Variants in CDH13 observed in about 807,000 individuals in gnomAD.
CDH13 encodes the protein cadherin-13.
CDH13 carries 24 observed loss-of-function variants against 63.8 expected under a neutral mutation model. That is an observed-to-expected ratio of 0.38 (90% CI 0.27 to 0.53). The LOEUF (loss-of-function observed/expected upper bound fraction) is 0.53. Among genes scored for constraint, CDH13 ranks in the 20% least tolerant of loss-of-function variants. The probability of loss-of-function intolerance (pLI) is 0.85; values close to 1 mark genes in which losing one functional copy is unlikely to be tolerated. For synonymous variants in CDH13, 503 were observed against 355.3 expected (o/e 1.42, Z -4.67); for missense variants, 1,049 against 903.1 (o/e 1.16, Z -2.07).
Position 82,865,884 on chromosome 16 carries a change from T to A in CDH13, c.157+7411T>A, listed in dbSNP as rs1412039943. 2.6e-5 allele frequency among the ~76,000 whole-genome samples: 4 copies of A among 152,352 alleles called. No homozygotes were observed. The East Asian group carries it at 7.7e-4, about 29-fold the overall frequency. On this transcript the variant is annotated intron_variant, in intron 2 of 13. Coordinates refer to ENST00000567109, the MANE Select transcript of CDH13 (RefSeq NM_001257.5). Reference sequence around the variant, plus strand: ...CTGTGCTTCCCTTTTAAATAAAAATTCCAGTTTCAAATCTTCTCTTTGTGA... The same window carrying A: ...CTGTGCTTCCCTTTTAAATAAAAATACCAGTTTCAAATCTTCTCTTTGTGA...
intron 7 of CDH13, among the ~76,000 whole-genome samples, chr16:83,580,940 G>C (rs1905537616): frequency 1.3e-5 from 2 of 152,174 alleles, no homozygotes; most frequent in African/African-American, 4.8e-5. Context: ...TAGCATCTTT[G>C]TTACATAACA....
chr16:83,124,043 T>TTTTG (rs140637969), intron 3 of CDH13, among the ~76,000 whole-genome samples: 7 of 151,958 alleles, frequency 4.6e-5, no homozygotes, highest in South Asian at 2.1e-4. Context: ...CCCCACTTTC[T>TTTTG]TTTGTTTGTT....
At chr16:82,828,417 A>G (rs60173313) in intron 1 of CDH13, among the ~76,000 whole-genome samples, 24,143 of 152,106 alleles carry the variant, frequency 0.16, 3,443 homozygotes, top group East Asian at 0.73. Context: ...CAGGAGTTCA[A>G]TACTAGCCTG....
intron 1 of CDH13, among the ~76,000 whole-genome samples, chr16:82,658,816 C>T (rs1028301087): frequency 6.6e-6 from 1 of 152,110 alleles, no homozygotes; most frequent in African/African-American, 2.4e-5. Context: ...TTTTAAAAGC[C>T]CATAGAAGAA....
At chr16:82,847,153 G>A (rs946938672) in intron 1 of CDH13, among the ~76,000 whole-genome samples, 2 of 152,142 alleles carry the variant, frequency 1.3e-5, no homozygotes, top group Admixed American at 6.5e-5. Flanking sequence ...ACCAAGTAAA[G>A]GGAACCCATA....
chr16:83,737,039 G>A lies in CDH13; in HGVS notation c.1539-11069G>A, dbSNP rs544707549. 5.9e-5 allele frequency among the ~76,000 whole-genome samples: 9 copies of A among 152,312 alleles called. No homozygotes were observed. In the East Asian group the frequency reaches 1.2e-3, roughly 20 times the overall value. On this transcript the variant is annotated intron_variant, in intron 10 of 13. Coordinates refer to ENST00000567109, the MANE Select transcript of CDH13 (RefSeq NM_001257.5). ...CTCACACACAAAGGAAGAGGTTAGA[G>A]AGTCCGCAGAAAAGGGTGGGAGCTC...
At chr16:83,491,491 A>C (rs1280562545) in intron 7 of CDH13, among the ~76,000 whole-genome samples, 9 of 152,162 alleles carry the variant, frequency 5.9e-5, no homozygotes, top group Admixed American at 5.9e-4. Flanking sequence ...TGCTAGACTG[A>C]AATTCATCTG....
chr16:82,803,294 G>T (rs1427963014), intron 1 of CDH13, among the ~76,000 whole-genome samples: 3 of 152,140 alleles, frequency 2.0e-5, no homozygotes, highest in African/African-American at 7.2e-5. Context: ...AATTCTCCTT[G>T]AGGGGCAATT....
chr16:82,715,764 A>C (rs1207076331), intron 1 of CDH13, among the ~76,000 whole-genome samples: 2 of 152,190 alleles, frequency 1.3e-5, no homozygotes, highest in African/African-American at 4.8e-5. Context: ...AGCACGAAGC[A>C]GCGATGATGG....
intron 1 of CDH13, among the ~76,000 whole-genome samples, chr16:82,719,090 G>A (rs1046796414): frequency 2.0e-5 from 3 of 152,152 alleles, no homozygotes; most frequent in Non-Finnish European, 4.4e-5. Flanking sequence ...AATCAGCTAT[G>A]CCATGTGAAA....
intron 1 of CDH13, among the ~76,000 whole-genome samples, chr16:82,848,134 G>C (rs771184277): frequency 1.1e-3 from 160 of 152,330 alleles, no homozygotes; most frequent in Non-Finnish European, 5.1e-4. Context: ...CTTTGAGAAA[G>C]TTCATTGACA....
chr16:83,527,503 C>T (rs2074991885), intron 7 of CDH13, among the ~76,000 whole-genome samples: 1 of 152,102 alleles, frequency 6.6e-6, no homozygotes, highest in South Asian at 2.1e-4. Context: ...AAAGAGTTGT[C>T]TTCTGCGTTA....
intron 7 of CDH13, among the ~76,000 whole-genome samples, chr16:83,533,863 C>T (rs989125386): frequency 5.9e-5 from 9 of 152,172 alleles, no homozygotes; most frequent in Non-Finnish European, 1.0e-4. Flanking sequence ...CCAAGTGATC[C>T]GCCCACCTCA....
At chr16:83,165,377 G>C (rs1395820724) in intron 4 of CDH13, among the ~76,000 whole-genome samples, 1 of 152,148 alleles carries the variant, frequency 6.6e-6, no homozygotes, top group Non-Finnish European at 1.5e-5. Context: ...TGTAGCAAGA[G>C]GCTGGTTGTG....
intron 2 of CDH13, among the ~76,000 whole-genome samples, chr16:82,943,181 C>T (rs1567681353): frequency 6.6e-6 from 1 of 152,156 alleles, no homozygotes; most frequent in Non-Finnish European, 1.5e-5. Flanking sequence ...ACTGAGCTTC[C>T]ATTCTTCCAT....
At chr16:82,786,692 C>T (rs2036030693) in intron 1 of CDH13, among the ~76,000 whole-genome samples, 1 of 132,682 alleles carries the variant, frequency 7.5e-6, no homozygotes, top group Admixed American at 8.5e-5. Flanking sequence ...GTGTGATGTT[C>T]CCCACCCTGT....
Position 83,779,832 on chromosome 16 carries a change from TG to T in CDH13, c.1682-133del, listed in dbSNP as rs570470727. 8.9e-4 allele frequency: 550 copies of T among 617,986 alleles called. No homozygotes were observed. In the African/African-American group the frequency reaches 9.0e-3, roughly 10 times the overall value. The allele number at this position is 617,986 out of a possible 1,614,324, so 38.3% of individuals were successfully genotyped here. ...ATGATCGCACCACTGCATTCCAGTC[TG>T]GGCGATAGAGTGAGACCCTGTCTCA... is the stretch of plus-strand genomic sequence containing the variant. On this transcript the variant is annotated intron_variant, in intron 11 of 13. Coordinates refer to ENST00000567109, the MANE Select transcript of CDH13 (RefSeq NM_001257.5).
chr16:82,786,505 T>C (rs1367721028), intron 1 of CDH13, among the ~76,000 whole-genome samples: 1 of 149,438 alleles, frequency 6.7e-6, no homozygotes, highest in Non-Finnish European at 1.5e-5. Context: ...TTTGTGTGTG[T>C]GTGTGTGTGT....
At chr16:83,553,956 T>G (rs1372842383) in intron 7 of CDH13, among the ~76,000 whole-genome samples, 1 of 152,254 alleles carries the variant, frequency 6.6e-6, no homozygotes, top group Non-Finnish European at 1.5e-5. Flanking sequence ...GTGTCTTTTA[T>G]AGGTATTTAT....
Sources: allele counts gnomAD v4.1 joint callset (sites outside exome capture counted in the v4.1 genomes callset), GRCh38; gene constraint gnomAD v4.1.1; transcripts MANE v1.5; gene names NCBI Gene and HGNC (gene_info 2026-07-23, HGNC 2026-07-21).